ANKRD28: variants seen among roughly 807,000 people sequenced by gnomAD.
The protein encoded by ANKRD28 is ankyrin repeat domain 28.
A neutral mutation model predicts 126.5 loss-of-function variants in ANKRD28; 44 were observed. The ratio of observed to expected loss-of-function variants is 0.35; its 90% confidence interval spans 0.27 to 0.45. The LOEUF is 0.45. Among genes scored for constraint, ANKRD28 ranks in the 20% least tolerant of loss-of-function variants. ANKRD28 has a pLI of 1.00. For synonymous variants in ANKRD28, 442 were observed against 468.5 expected (o/e 0.94, Z 0.73); for missense variants, 1,110 against 1,316.6 (o/e 0.84, Z 2.43).
In ANKRD28 at chr3:15,838,748, C is replaced by CA. The variant is rs200759198; in HGVS notation, c.27+20628dup. ...GGGCAACAAGAACGAAACTCCGTCTCAAAAAAAAAAAAAAATCTTCGCAAG... is the reference window on the plus strand; with the variant it reads ...GGGCAACAAGAACGAAACTCCGTCTCAAAAAAAAAAAAAAAATCTTCGCAAG... On this transcript the variant is annotated intron_variant, in intron 1 of 27. Coordinates refer to the ANKRD28 transcript ENST00000399451. The surrounding 1 kb of genome is among the most constrained non-coding windows in gnomAD (Gnocchi z 4.0). 6.2e-4 allele frequency among the ~76,000 whole-genome samples: 85 copies of CA among 136,104 alleles called. No homozygotes were observed. The highest frequency in any genetic ancestry group is 1.3e-3 in the African/African-American group (44 of 34,450). 89.3% of individuals were successfully genotyped at this position (136,104 alleles called of 152,430 possible).
Position 15,771,514 on chromosome 3 carries a change from G to C in ANKRD28, c.202-5202C>G, listed in dbSNP as rs187095950. Among the ~76,000 whole-genome samples the C allele has an allele frequency of 1.8e-3, 271 of 152,146 alleles. 3 individuals are homozygous for C. Among genetic ancestry groups the C allele is most frequent in the Admixed American group, 0.017 (261 of 15,284 alleles). ...AAAAGGAGAGCAGGGGTGTCACAAG[G>C]TGAAGAGAGTGATCAAGAGAGAGAA... On this transcript the variant is annotated intron_variant, in intron 2 of 27. Coordinates refer to ENST00000683139, the MANE Select transcript of ANKRD28 (RefSeq NM_001349278.2).
chr3:15,737,038 C>T lies in ANKRD28; in HGVS notation c.547G>A (p.Gly183Ser). 6.2e-7 allele frequency: 1 copy of T among 1,613,862 alleles called. No individual in the cohort carries two copies. Among genetic ancestry groups the T allele is most frequent in the Non-Finnish European group, 8.5e-7 (1 of 1,179,820 alleles). The change falls in exon 5 of 28, where the codon GGT becomes AGT. Residue 183 changes from glycine to serine, a missense_variant. Transcript: ENST00000683139. ...ALHHAAFSGH[G>S]EMVKLLLSRG... ...TCTAATTGAATGCCACCTACCTCAC[C>T]ATGTCCACTGAAAGCTGCATGATGT...
At chr3:15,739,208 T>G (rs2075268673) in intron 4 of ANKRD28, among the ~76,000 whole-genome samples, 1 of 152,160 alleles carries the variant, frequency 6.6e-6, no homozygotes, top group Non-Finnish European at 1.5e-5. Flanking sequence ...ATTAAGAGAT[T>G]AAAGTAAAGA....
chr3:15,761,713 T>C (rs2058465782), intron 3 of ANKRD28, among the ~76,000 whole-genome samples: 1 of 152,218 alleles, frequency 6.6e-6, no homozygotes, highest in Non-Finnish European at 1.5e-5. Flanking sequence ...AAAGTAAGAA[T>C]TCACTGGTTA....
At chr3:15,671,409 T>C (rs1249354403) in intron 27 of ANKRD28, among the ~76,000 whole-genome samples, 1 of 152,070 alleles carries the variant, frequency 6.6e-6, no homozygotes, top group Admixed American at 6.6e-5. Flanking sequence ...TAACATACAT[T>C]TGTATAACCA....
At chr3:15,756,670 T>C (rs1441541401) in intron 3 of ANKRD28, 1 of 170,678 alleles carries the variant, frequency 5.9e-6, no homozygotes, top group African/African-American at 2.4e-5. Flanking sequence ...ATTTTGCAAA[T>C]CATAATCCCT....
chr3:15,822,738 T>G (rs1344499865), intron 1 of ANKRD28, among the ~76,000 whole-genome samples: 1 of 151,142 alleles, frequency 6.6e-6, no homozygotes, highest in East Asian at 1.9e-4. Context: ...TCTCACCAAT[T>G]AGAGAATATT....
In ANKRD28 at chr3:15,690,004, T is replaced by A; in HGVS notation, c.1963+15A>T. 1 of 1,586,884 alleles carries A rather than the reference T, an allele frequency of 6.3e-7. No individual in the cohort carries two copies. Among genetic ancestry groups the A allele is most frequent in the Non-Finnish European group, 8.6e-7 (1 of 1,163,872 alleles). ...ATAGAAGTTATAAATAAATCAAGCATAATATCTGGCATACCTGCTGCATGA... is the reference window on the plus strand; with the variant it reads ...ATAGAAGTTATAAATAAATCAAGCAAAATATCTGGCATACCTGCTGCATGA... On this transcript the variant is annotated intron_variant, in intron 18 of 27. Coordinates refer to ENST00000683139, the MANE Select transcript of ANKRD28 (RefSeq NM_001349278.2).
At chr3:15,783,188 A>C (rs2059615567) in intron 2 of ANKRD28, among the ~76,000 whole-genome samples, 2 of 152,096 alleles carry the variant, frequency 1.3e-5, no homozygotes, top group South Asian at 4.2e-4. Flanking sequence ...ATAAATAAGA[A>C]CTCTGAAAAC....
At chr3:15,837,960 C>T (rs925807845) in intron 1 of ANKRD28, among the ~76,000 whole-genome samples, 3 of 148,386 alleles carry the variant, frequency 2.0e-5, no homozygotes, top group Non-Finnish European at 3.0e-5. Flanking sequence ...GTATCGCTAC[C>T]GAACTCAGAG....
rs145207133 is a variant in ANKRD28, at chr3:15,854,686, CT to C, written c.27+4690del. On this transcript the variant is annotated intron_variant, in intron 1 of 27. Transcript: ENST00000399451. This position sits in a 1 kb window ranked among gnomAD's most constrained non-coding sequence, Gnocchi z 4.1. ...TACATCTATGTGTTTTTTTTTTCCC[CT>C]CTTCTAAGATCTGTAAGGGTAGAGA... 6.2e-3 allele frequency among the ~76,000 whole-genome samples: 936 copies of C among 151,702 alleles called. 60 individuals carry two copies. The East Asian group carries it at 0.14, about 22-fold the overall frequency.
Position 15,685,345 on chromosome 3 carries a change from G to A in ANKRD28, c.2270C>T (p.Ala757Val). Reference sequence around the variant, plus strand: ...AAGAACACCAATGTGTCCACAGGCAGCAGACAGGTGTATAGGCGTCCGGCC... The same window carrying A: ...AAGAACACCAATGTGTCCACAGGCAACAGACAGGTGTATAGGCGTCCGGCC... ...SRGRTPIHLS[A>V]ACGHIGVLGA... The change falls in exon 21 of 28, where the codon GCT (alanine) becomes GTT (valine). Residue 757 changes from alanine to valine, a missense_variant. Ala to Val is a moderately conservative substitution (Grantham distance 64). Coordinates refer to ENST00000683139, the MANE Select transcript of ANKRD28 (RefSeq NM_001349278.2). 6.2e-7 allele frequency: 1 copy of A among 1,614,036 alleles called. No individual in the cohort carries two copies. Among genetic ancestry groups the A allele is most frequent in the Non-Finnish European group, 8.5e-7 (1 of 1,179,880 alleles).
intron 8 of ANKRD28, among the ~76,000 whole-genome samples, chr3:15,716,695 CAAATA>C (rs955915140): frequency 3.9e-5 from 6 of 152,024 alleles, no homozygotes; most frequent in Admixed American, 3.9e-4. Context: ...CAAAACAAAA[CAAATA>C]AAAACTTGTA....
rs559463987 is a variant in ANKRD28, at chr3:15,715,526, T to C, written c.997-870A>G. Among the ~76,000 whole-genome samples the C allele has an allele frequency of 1.4e-4, 22 of 152,332 alleles. No individual in the cohort carries two copies. The South Asian group carries it at 3.5e-3, about 24-fold the overall frequency. On this transcript the variant is annotated intron_variant, in intron 8 of 27. Coordinates refer to ENST00000683139, the MANE Select transcript of ANKRD28 (RefSeq NM_001349278.2). ...TTTTTCAAGTAAACAAGCCATCCAA[T>C]TGACAAGTAATTTTACAGAAGTTCT...
intron 4 of ANKRD28, among the ~76,000 whole-genome samples, chr3:15,745,870 C>T (rs2057444306): frequency 6.6e-6 from 1 of 152,014 alleles, no homozygotes; most frequent in Non-Finnish European, 1.5e-5. Flanking sequence ...TTTGTGTTGT[C>T]TATGACTTTT....
At chr3:15,807,168 G>A (rs917775279) in intron 1 of ANKRD28, among the ~76,000 whole-genome samples, 1 of 152,190 alleles carries the variant, frequency 6.6e-6, no homozygotes, top group Non-Finnish European at 1.5e-5. Context: ...TTGTCATGCA[G>A]TAGAAGTGGA....
chr3:15,796,239 GAAA>G (rs2060268397), intron 1 of ANKRD28, among the ~76,000 whole-genome samples, 163 bp downstream of exon 1: 1 of 151,898 alleles, frequency 6.6e-6, no homozygotes, highest in East Asian at 1.9e-4. Context: ...AAGTAAAAAC[GAAA>G]AATGTGCATT....
intron 1 of ANKRD28, among the ~76,000 whole-genome samples, chr3:15,858,082 A>C (rs886809391): frequency 1.3e-5 from 2 of 152,222 alleles, no homozygotes; most frequent in African/African-American, 4.8e-5. Flanking sequence ...AAATGAGATA[A>C]ATGTTCTATG....
At chr3:15,782,215 A>C (rs2059571756) in intron 2 of ANKRD28, among the ~76,000 whole-genome samples, 1 of 152,108 alleles carries the variant, frequency 6.6e-6, no homozygotes, top group Non-Finnish European at 1.5e-5. Context: ...CAGAGAACAG[A>C]GTGTTCTGTT....
Sources: allele counts gnomAD v4.1 joint callset (sites outside exome capture counted in the v4.1 genomes callset), GRCh38; gene constraint gnomAD v4.1.1; non-coding constraint Gnocchi (gnomAD v3.1); transcripts MANE v1.5; gene names NCBI Gene and HGNC (gene_info 2026-07-23, HGNC 2026-07-21).